The following PLCB1 variants were observed in gnomAD, a reference collection of about 807,000 sequenced individuals.
The protein encoded by PLCB1 is 1-phosphatidylinositol 4,5-bisphosphate phosphodiesterase beta-1.
A neutral mutation model predicts 161.8 loss-of-function variants in PLCB1; 46 were observed. The ratio of observed to expected loss-of-function variants is 0.28; its 90% confidence interval spans 0.22 to 0.36. The LOEUF (loss-of-function observed/expected upper bound fraction) is 0.36, where lower values mean the gene tolerates loss of function less well. Ranked by LOEUF, PLCB1 falls within the 10% of genes least tolerant of loss-of-function variation. PLCB1 has a pLI of 1.00. For missense variants in PLCB1, 1,016 were observed against 1,472.5 expected (o/e 0.69, Z 5.07); for synonymous variants, 517 against 503.7 (o/e 1.03, Z -0.35).
chr20:8,384,730 C>T (rs1260404178), intron 3 of PLCB1, among the ~76,000 whole-genome samples: 1 of 152,038 alleles, frequency 6.6e-6, no homozygotes, highest in African/African-American at 2.4e-5. Flanking sequence ...GTTGTTGATA[C>T]TGTTGTTGTT....
At chr20:8,819,186 C>T (rs1336434540) in intron 31 of PLCB1, among the ~76,000 whole-genome samples, 1 of 152,062 alleles carries the variant, frequency 6.6e-6, no homozygotes, top group East Asian at 1.9e-4. Context: ...AACATTGGCA[C>T]AAATATGTGA....
chr20:8,302,257 TGTTA>T (rs1466916317), intron 2 of PLCB1, among the ~76,000 whole-genome samples: 4 of 152,242 alleles, frequency 2.6e-5, no homozygotes, highest in African/African-American at 9.6e-5. Context: ...AGTGAACAGT[TGTTA>T]GTATGTCAAG....
intron 2 of PLCB1, among the ~76,000 whole-genome samples, chr20:8,244,555 A>G: frequency 6.6e-6 from 1 of 151,870 alleles, no homozygotes; most frequent in East Asian, 1.9e-4. Flanking sequence ...AGACATCAGA[A>G]GAGTAACCCA....
At chr20:8,724,994 G>A (rs1430545261) in intron 16 of PLCB1, among the ~76,000 whole-genome samples, 2 of 151,990 alleles carry the variant, frequency 1.3e-5, no homozygotes, top group African/African-American at 4.8e-5. Flanking sequence ...TATTTAATAG[G>A]GCTACAGGCC....
At chr20:8,777,373 G>A (rs4141891) in intron 27 of PLCB1, among the ~76,000 whole-genome samples, 47,910 of 151,798 alleles carry the variant, frequency 0.32, 7,613 homozygotes, top group Middle Eastern at 0.48. Flanking sequence ...GGAATCCTGG[G>A]GTCTCCAGCA....
intron 2 of PLCB1, among the ~76,000 whole-genome samples, chr20:8,281,038 C>T (rs1982851865): frequency 6.6e-6 from 1 of 152,120 alleles, no homozygotes; most frequent in African/African-American, 2.4e-5. Context: ...GGCCTGTGTA[C>T]CTTTCTATGG....
intron 23 of PLCB1, chr20:8,752,187 C>G (rs897182519): frequency 6.6e-6 from 1 of 152,232 alleles, no homozygotes; most frequent in East Asian, 1.9e-4. Context: ...GTTATTATTA[C>G]GGTTCCTTAA....
chr20:8,141,859 A>C (rs2051407259), intron 1 of PLCB1: 1 of 152,138 alleles, frequency 6.6e-6, no homozygotes, highest in Non-Finnish European at 1.5e-5. Flanking sequence ...TCTTTTGCTG[A>C]TTCCTATTTA....
chr20:8,743,447 G>A (rs1243939565), intron 23 of PLCB1, among the ~76,000 whole-genome samples: 1 of 152,012 alleles, frequency 6.6e-6, no homozygotes, highest in Non-Finnish European at 1.5e-5. Flanking sequence ...GTTTGTGGTG[G>A]GCAACTTCTG....
chr20:8,403,742 G>A (rs1451349192), intron 3 of PLCB1, among the ~76,000 whole-genome samples: 1 of 152,150 alleles, frequency 6.6e-6, no homozygotes, highest in Admixed American at 6.5e-5. Context: ...ATTGTGGATT[G>A]CAGAAATGGC....
At chr20:8,716,481 A>C in intron 13 of PLCB1, 133 bp downstream of exon 13, 1 of 714,342 alleles carries the variant, frequency 1.4e-6, no homozygotes, top group Non-Finnish European at 2.5e-6. Flanking sequence ...AATCTTTGAC[A>C]AGGAGGATAC....
intron 3 of PLCB1, among the ~76,000 whole-genome samples, chr20:8,552,911 TA>T (rs977795881): frequency 4.6e-5 from 7 of 152,134 alleles, no homozygotes; most frequent in Non-Finnish European, 1.0e-4. Flanking sequence ...GAATATGTGT[TA>T]ATCACCTCAG....
intron 4 of PLCB1, among the ~76,000 whole-genome samples, chr20:8,636,878 A>G (rs1339296333): frequency 6.6e-6 from 1 of 152,200 alleles, no homozygotes; most frequent in Admixed American, 6.5e-5. Flanking sequence ...TGCATCAGCA[A>G]TAGCATCTCT....
intron 3 of PLCB1, among the ~76,000 whole-genome samples, chr20:8,589,985 C>G (rs1246740439): frequency 2.0e-5 from 3 of 152,082 alleles, no homozygotes; most frequent in Non-Finnish European, 4.4e-5. Flanking sequence ...ACCTAATCAG[C>G]TCCCCAAGGC....
chr20:8,640,211 G>T (rs774875763), intron 4 of PLCB1, among the ~76,000 whole-genome samples: 1 of 152,168 alleles, frequency 6.6e-6, no homozygotes. Context: ...CCTGTGCCTC[G>T]TTCACTAATC....
In PLCB1 at chr20:8,132,435, C is replaced by T. The variant is rs1264922868; in HGVS notation, c.-217C>T. ...GCGGGCTCCAGACCTCGCGTCCCGC[C>T]CGGGGCATGGCCGGGCGCTGCGCCC... On this transcript the variant is annotated 5_prime_UTR_variant, in exon 1 of 32. Transcript: ENST00000338037. The surrounding 1 kb of genome is among the most constrained non-coding windows in gnomAD (Gnocchi z 5.2). 1 of 308,610 alleles carries T rather than the reference C, an allele frequency of 3.2e-6. No individual in the cohort carries two copies. 19.1% of individuals were successfully genotyped at this position (308,610 alleles called of 1,614,324 possible).
rs541631058 is a variant in PLCB1 at position 8,305,048 on chromosome 20, C to T, written c.178-66334C>T. Among the ~76,000 whole-genome samples, 21 of 152,280 alleles carry T rather than the reference C, an allele frequency of 1.4e-4. No homozygotes were observed. The South Asian group carries it at 3.9e-3, about 29-fold the overall frequency. ...TATAGATTAGTTGGTCTGATTAATC[C>T]TTTGAACAGTCAGCAATCATTGTTT... On this transcript the variant is annotated intron_variant, in intron 2 of 31. Coordinates refer to ENST00000338037, the MANE Select transcript of PLCB1 (RefSeq NM_015192.4).
chr20:8,487,904 G>T (rs1308332889), intron 3 of PLCB1, among the ~76,000 whole-genome samples: 2 of 152,090 alleles, frequency 1.3e-5, no homozygotes, highest in Admixed American at 1.3e-4. Context: ...TCCTCCCAGG[G>T]GTGGCACACA....
chr20:8,175,722 C>G (rs2051775764), intron 2 of PLCB1, among the ~76,000 whole-genome samples: 1 of 151,922 alleles, frequency 6.6e-6, no homozygotes, highest in Non-Finnish European at 1.5e-5. Context: ...AGAAGACAAG[C>G]TACAGACTGA....
Sources: allele counts gnomAD v4.1 joint callset (sites outside exome capture counted in the v4.1 genomes callset), GRCh38; gene constraint gnomAD v4.1.1; non-coding constraint Gnocchi (gnomAD v3.1); transcripts MANE v1.5; gene names NCBI Gene and HGNC (gene_info 2026-07-23, HGNC 2026-07-21).